Variants in TRMU observed in about 807,000 individuals in gnomAD.
The protein encoded by TRMU is mitochondrial tRNA-specific 2-thiouridylase 1.
A neutral mutation model predicts 46.9 loss-of-function variants in TRMU; 49 were observed. That is an observed-to-expected ratio of 1.05 (90% CI 0.83 to 1.33). The LOEUF (loss-of-function observed/expected upper bound fraction) is 1.33. TRMU is among the 40% of genes most tolerant of loss of function. The pLI is 0.00. For synonymous variants in TRMU, 241 were observed against 200.9 expected (o/e 1.20, Z -1.69); for missense variants, 572 against 532.4 (o/e 1.07, Z -0.73).
At position 46,336,187 on chromosome 22, in the gene TRMU, C is replaced by T. The variant is rs2077971924; in HGVS notation, c.82+341C>T. 1 of 1,171,266 alleles carries T rather than the reference C, an allele frequency of 8.5e-7. No individual in the cohort carries two copies. 72.6% of individuals were successfully genotyped at this position (1,171,266 alleles called of 1,614,324 possible). On this transcript the variant is annotated intron_variant, in intron 1 of 10. Transcript: ENST00000645190. This position sits in a 1 kb window ranked among gnomAD's most constrained non-coding sequence, Gnocchi z 4.1. ...GCGGCGTCCACATTCACCTGTGAGA[C>T]CGTGGACACTGGTGAGGGGAGCTGG... is the stretch of plus-strand genomic sequence containing the variant.
intron 2 of TRMU, among the ~76,000 whole-genome samples, chr22:46,341,193 A>G (rs2078113887): frequency 6.6e-6 from 1 of 152,194 alleles, no homozygotes; most frequent in African/African-American, 2.4e-5. Flanking sequence ...ACGCCTTCCC[A>G]TCTGCTGTTT....
chr22:46,355,721 A>AT, intron 9 of TRMU, 133 bp downstream of exon 9: 1 of 1,454,946 alleles, frequency 6.9e-7, no homozygotes, highest in Non-Finnish European at 9.5e-7. Flanking sequence ...TACCTAAAGT[A>AT]TTTAGAACTC....
At chr22:46,355,806 C>T in intron 9 of TRMU, 184 bp from the exon 10 acceptor site, 1 of 1,014,946 alleles carries the variant, frequency 9.9e-7, no homozygotes. Flanking sequence ...GCGTGTTGGG[C>T]TGAAGCAAGT....
At chr22:46,356,251 T>A (rs1413814932) in intron 10 of TRMU, 179 bp downstream of exon 10, 1 of 645,320 alleles carries the variant, frequency 1.5e-6, no homozygotes, top group Non-Finnish European at 2.7e-6. Flanking sequence ...GTGACAACTG[T>A]GAGAGGATTT....
At position 46,356,513 on chromosome 22, in the gene TRMU, C is replaced by T. The variant is rs2078613402; in HGVS notation, c.1102-329C>T. 5 of 443,968 alleles carry T rather than the reference C, an allele frequency of 1.1e-5. No homozygotes were observed. In the South Asian group the frequency reaches 1.4e-4, roughly 12 times the overall value. The allele number at this position is 443,968 out of a possible 1,614,324, so 27.5% of individuals were successfully genotyped here. A position where few individuals can be genotyped will look rare whatever the true frequency, so the allele number is the denominator to read the frequency against. On this transcript the variant is annotated intron_variant, in intron 10 of 10. Transcript: ENST00000645190. ...GGGGTGAGGGAAGCGGAAGCATCCT[C>T]TGGCTGCCACCATGCTCCTTCCTGT...
intron 3 of TRMU, among the ~76,000 whole-genome samples, chr22:46,343,882 C>A (rs2078185947): frequency 6.6e-6 from 1 of 151,924 alleles, no homozygotes; most frequent in Non-Finnish European, 1.5e-5. Context: ...TACGAGATAC[C>A]ATTGTAAGCC....
At chr22:46,355,969 G>A in intron 9 of TRMU, 21 bp from the exon 10 acceptor site, 1 of 1,613,610 alleles carries the variant, frequency 6.2e-7, no homozygotes, top group South Asian at 1.1e-5. Flanking sequence ...CCCCCTCCAA[G>A]GGCCCCTCTC....
In TRMU at chr22:46,346,415, C is replaced by A; in HGVS notation, c.356-7C>A. The A allele has an allele frequency of 1.2e-6, 2 of 1,611,576 alleles. No homozygotes were observed. Among genetic ancestry groups the A allele is most frequent in the South Asian group, 2.2e-5 (2 of 90,864 alleles). On this transcript the variant is annotated splice_polypyrimidine_tract_variant and splice_region_variant and intron_variant, in intron 3 of 10. Coordinates refer to ENST00000645190, the MANE Select transcript of TRMU (RefSeq NM_018006.5). ...AACCTGATCCTTGTGTTCTAAAAAC[C>A]TCACAGGGGCAGATGCCATTGCCAC...
rs1454560103 is a variant in TRMU at position 46,351,617 on chromosome 22, A to AC, written c.652-502dup. 4.2e-6 allele frequency: 1 copy of AC among 235,438 alleles called. No homozygotes were observed. Among genetic ancestry groups the AC allele is most frequent in the African/African-American group, 2.2e-5 (1 of 44,610 alleles). 14.6% of individuals were successfully genotyped at this position (235,438 alleles called of 1,614,324 possible). A position where few individuals can be genotyped will look rare whatever the true frequency, so the allele number is the denominator to read the frequency against. On this transcript the variant is annotated intron_variant, in intron 5 of 10. Transcript: ENST00000645190. This position sits in a 1 kb window ranked among gnomAD's most constrained non-coding sequence, Gnocchi z 6.4. ...GGAAGGGCAGTCTTGAGAGACACAA[A>AC]CCAGAGTAAACGATGCAGCCCCTGA... is the stretch of plus-strand genomic sequence containing the variant.
chr22:46,355,203 C>G (rs112099485), intron 8 of TRMU: 14 of 621,990 alleles, frequency 2.3e-5, no homozygotes, highest in African/African-American at 1.6e-4. Context: ...ACCCCTGCCT[C>G]TTGCCCACTC....
chr22:46,355,143 C>T (rs2078558485), intron 8 of TRMU: 1 of 516,434 alleles, frequency 1.9e-6, no homozygotes, highest in Non-Finnish European at 3.5e-6. Context: ...AGGTAGAGGG[C>T]CTGAGTCAGA....
chr22:46,353,295 T>G (rs990547183), intron 7 of TRMU: 1 of 214,264 alleles, frequency 4.7e-6, no homozygotes. Context: ...TGTGCCCCAC[T>G]GCAGGGGAGG....
Position 46,335,746 on chromosome 22 carries a change from G to C in TRMU, c.-19G>C, listed in dbSNP as rs886057609. 48 of 1,546,902 alleles carry C rather than the reference G, an allele frequency of 3.1e-5. No individual in the cohort carries two copies. In the East Asian group the frequency reaches 3.9e-4, roughly 13 times the overall value. On this transcript the variant is annotated 5_prime_UTR_variant, in exon 1 of 11. Transcript: ENST00000645190. ...GGAAGCGGCGGTAGCTGCAGCTGGCGAAGTTGGGCGACTGGCGGATGCAGG... is the reference window on the plus strand; with the variant it reads ...GGAAGCGGCGGTAGCTGCAGCTGGCCAAGTTGGGCGACTGGCGGATGCAGG...
At chr22:46,344,635 C>T (rs1444538289) in intron 3 of TRMU, among the ~76,000 whole-genome samples, 1 of 152,136 alleles carries the variant, frequency 6.6e-6, no homozygotes, top group Non-Finnish European at 1.5e-5. Flanking sequence ...TTTAGGGAGC[C>T]CCTAGGTGGC....
intron 10 of TRMU, chr22:46,356,577 GT>G: frequency 1.8e-6 from 1 of 541,270 alleles, no homozygotes; most frequent in Non-Finnish European, 3.3e-6. Flanking sequence ...AGACCTGCCA[GT>G]CCCTTGGAGT....
In TRMU at chr22:46,337,879, C is replaced by A; in HGVS notation, c.183C>A (p.Cys61Ter). ...DKDCEDAYRVCQILDIPFHQV... is the reference protein window; with the variant it reads ...DKDCEDAYRV ...ACTGTGAAGATGCTTACAGAGTTTG[C>A]CAGATCTTAGACATCCCTTTCCATC... The change falls in exon 2 of 11, where the codon TGC (cysteine) becomes TGA (stop). Residue 61 changes from cysteine (C) to a stop codon, truncating the protein, a stop_gained. Coordinates refer to ENST00000645190, the MANE Select transcript of TRMU (RefSeq NM_018006.5). LOFTEE classifies it high-confidence loss of function. The A allele has an allele frequency of 6.2e-7, 1 of 1,614,202 alleles. No individual in the cohort carries two copies. The highest frequency in any genetic ancestry group is 8.5e-7 in the Non-Finnish European group (1 of 1,180,034).
At chr22:46,355,314 T>G in intron 8 of TRMU, 130 bp from the exon 9 acceptor site, 3 of 1,390,850 alleles carry the variant, frequency 2.2e-6, no homozygotes, top group Non-Finnish European at 2.0e-6. Context: ...GTAGAACACT[T>G]CGAGCGGTGC....
rs2147051610 is a variant in TRMU at position 46,346,096 on chromosome 22, A to G, written c.356-326A>G. Among the ~76,000 whole-genome samples, 6 of 152,312 alleles carry G rather than the reference A, an allele frequency of 3.9e-5. 1 individual carries two copies. The Middle Eastern group carries it at 0.02, about 518-fold the overall frequency. On this transcript the variant is annotated intron_variant, in intron 3 of 10. Transcript: ENST00000645190. ...TCCCTTCGTATTATCACAAACCCTG[A>G]AAGGAATATTTTGTGTTTAAATCTT...
chr22:46,340,878 CT>C (rs2078104823), intron 2 of TRMU, among the ~76,000 whole-genome samples: 1 of 152,268 alleles, frequency 6.6e-6, no homozygotes, highest in Non-Finnish European at 1.5e-5. Flanking sequence ...ATCTCTGGGG[CT>C]GCCCCCGAGG....
Sources: allele counts gnomAD v4.1 joint callset (sites outside exome capture counted in the v4.1 genomes callset), GRCh38; gene constraint gnomAD v4.1.1; non-coding constraint Gnocchi (gnomAD v3.1); transcripts MANE v1.5; gene names NCBI Gene and HGNC (gene_info 2026-07-23, HGNC 2026-07-21).